Variants in CDH13 observed in about 807,000 individuals in gnomAD.
CDH13 encodes the protein cadherin 13, also known as cadherin-13.
CDH13 carries 24 observed loss-of-function variants against 63.8 expected under a neutral mutation model. The observed-to-expected ratio is 0.38, with a 90% confidence interval of 0.27 to 0.53. The LOEUF (loss-of-function observed/expected upper bound fraction) is 0.53. Among genes scored for constraint, CDH13 ranks in the 20% least tolerant of loss-of-function variants. The pLI is 0.85. For missense variants in CDH13, 1,049 were observed against 903.1 expected (o/e 1.16, Z -2.07); for synonymous variants, 503 against 355.3 (o/e 1.42, Z -4.67).
intron 7 of CDH13, among the ~76,000 whole-genome samples, chr16:83,566,654 G>T (rs759189411): frequency 2.6e-5 from 4 of 152,194 alleles, no homozygotes; most frequent in Non-Finnish European, 4.4e-5. Context: ...CAGAGCATCA[G>T]ATGGGAGGTT....
At chr16:83,359,777 T>C (rs1046438186) in intron 6 of CDH13, among the ~76,000 whole-genome samples, 2 of 152,196 alleles carry the variant, frequency 1.3e-5, no homozygotes, top group Non-Finnish European at 2.9e-5. Flanking sequence ...TCTTTCTCAG[T>C]TTTAATGAGA....
intron 1 of CDH13, among the ~76,000 whole-genome samples, chr16:82,732,521 T>C (rs1003237148): frequency 6.6e-6 from 1 of 152,178 alleles, no homozygotes; most frequent in East Asian, 1.9e-4. Context: ...TCTGAAGCTG[T>C]TGTAAATGAT....
intron 10 of CDH13, among the ~76,000 whole-genome samples, chr16:83,693,659 C>T (rs1012488262): frequency 6.6e-6 from 1 of 152,148 alleles, no homozygotes; most frequent in Non-Finnish European, 1.5e-5. Flanking sequence ...GAATGGCGAA[C>T]TGCTATTAAA....
chr16:82,655,972 C>T (rs891674517), intron 1 of CDH13, among the ~76,000 whole-genome samples: 1 of 152,018 alleles, frequency 6.6e-6, no homozygotes, highest in African/African-American at 2.4e-5. Context: ...GCCCCTTGAA[C>T]CAGTGGCATG....
At chr16:83,421,568 A>C (rs1460515341) in intron 6 of CDH13, among the ~76,000 whole-genome samples, 3 of 152,222 alleles carry the variant, frequency 2.0e-5, no homozygotes, top group Non-Finnish European at 4.4e-5. Context: ...CAATGGAGAG[A>C]AGATTCATGA....
rs1909731308 is a variant in CDH13, at chr16:82,643,856, C to A, written c.45+16719C>A. On this transcript the variant is annotated intron_variant, in intron 1 of 13. Transcript: ENST00000567109. ...CACCTGAGCTCAAGCAACCCTCTTG[C>A]CTCAGTTCTGGAAATAGCTAAGTGG... Among the ~76,000 whole-genome samples the A allele has an allele frequency of 2.6e-5, 4 of 151,912 alleles. No individual in the cohort carries two copies. The South Asian group carries it at 8.3e-4, about 32-fold the overall frequency.
At chr16:83,133,331 C>A (rs2036140446) in intron 4 of CDH13, among the ~76,000 whole-genome samples, 3 of 152,150 alleles carry the variant, frequency 2.0e-5, no homozygotes, top group Non-Finnish European at 4.4e-5. Flanking sequence ...GAAAATGTCT[C>A]CTTAATAATC....
intron 3 of CDH13, among the ~76,000 whole-genome samples, chr16:83,045,510 G>T (rs1448981150): frequency 1.3e-5 from 2 of 151,824 alleles, no homozygotes; most frequent in South Asian, 2.1e-4. Flanking sequence ...GGTGGCAGGT[G>T]CCTGTAATCC....
chr16:83,590,724 T>C (rs1444998835), intron 7 of CDH13, among the ~76,000 whole-genome samples: 3 of 152,192 alleles, frequency 2.0e-5, no homozygotes, highest in African/African-American at 4.8e-5. Flanking sequence ...TTGACCTGCA[T>C]TGAGTCATAC....
chr16:83,135,195 C>A (rs1908670766), intron 4 of CDH13, among the ~76,000 whole-genome samples: 1 of 152,182 alleles, frequency 6.6e-6, no homozygotes, highest in African/African-American at 2.4e-5. Context: ...ATCCTACACT[C>A]ATTTCTCAGA....
At chr16:83,698,540 G>C (rs1025810759) in intron 10 of CDH13, among the ~76,000 whole-genome samples, 1 of 152,186 alleles carries the variant, frequency 6.6e-6, no homozygotes, top group African/African-American at 2.4e-5. Flanking sequence ...AGGAGCATCT[G>C]TTTTGTGCTT....
chr16:82,927,419 T>C (rs2042339475), intron 2 of CDH13, among the ~76,000 whole-genome samples: 1 of 152,210 alleles, frequency 6.6e-6, no homozygotes, highest in Non-Finnish European at 1.5e-5. Flanking sequence ...TTTCAGCCCA[T>C]GTTTTACCAT....
chr16:83,376,104 C>G lies in CDH13; in HGVS notation c.781+31098C>G, dbSNP rs143313549. 4.7e-3 allele frequency among the ~76,000 whole-genome samples: 720 copies of G among 152,262 alleles called. 9 individuals are homozygous for G. The highest frequency in any genetic ancestry group is 0.017 in the African/African-American group (698 of 41,548). On this transcript the variant is annotated intron_variant, in intron 6 of 13. Transcript: ENST00000567109. ...TTGGCTCTGCTTTTCTCTGGGATAG[C>G]TTTCCCCAGGTGATAGCAAACAAAA...
intron 11 of CDH13, among the ~76,000 whole-genome samples, chr16:83,777,756 C>T (rs1309996253): frequency 6.6e-6 from 1 of 152,228 alleles, no homozygotes; most frequent in Non-Finnish European, 1.5e-5. Context: ...CACTACCCTT[C>T]TAACCCCCGT....
chr16:82,855,666 A>C (rs902650538), intron 1 of CDH13, among the ~76,000 whole-genome samples: 1 of 152,164 alleles, frequency 6.6e-6, no homozygotes, highest in Non-Finnish European at 1.5e-5. Context: ...TCTCAAGACA[A>C]GGGAATCCAT....
intron 1 of CDH13, among the ~76,000 whole-genome samples, chr16:82,764,187 A>C (rs2034961032): frequency 6.6e-6 from 1 of 152,226 alleles, no homozygotes; most frequent in African/African-American, 2.4e-5. Context: ...TAGAATACAT[A>C]TTCCTCATTT....
intron 2 of CDH13, among the ~76,000 whole-genome samples, chr16:82,883,248 A>T (rs1293030068): frequency 1.3e-5 from 2 of 152,224 alleles, no homozygotes; most frequent in East Asian, 3.9e-4. Flanking sequence ...TCATCTCATG[A>T]TCTATTGCTA....
intron 2 of CDH13, among the ~76,000 whole-genome samples, chr16:82,958,334 TC>T (rs1419727432): frequency 2.0e-5 from 3 of 151,986 alleles, no homozygotes; most frequent in Non-Finnish European, 4.4e-5. Context: ...TGACTTAAAT[TC>T]CCCCATTTAA....
At chr16:83,547,036 G>A (rs1427535343) in intron 7 of CDH13, among the ~76,000 whole-genome samples, 1 of 152,138 alleles carries the variant, frequency 6.6e-6, no homozygotes, top group Non-Finnish European at 1.5e-5. Context: ...TAATCCATCA[G>A]GTCATCTCCA....
Sources: allele counts gnomAD v4.1 joint callset (sites outside exome capture counted in the v4.1 genomes callset), GRCh38; gene constraint gnomAD v4.1.1; transcripts MANE v1.5; gene names NCBI Gene and HGNC (gene_info 2026-07-23, HGNC 2026-07-21).